The following POLG variants were observed in gnomAD, a reference collection of about 807,000 sequenced individuals.
POLG encodes DNA polymerase subunit gamma-1.
Under a neutral mutation model 155.4 loss-of-function variants are expected in POLG, and 110 were observed. The observed-to-expected ratio is 0.71, with a 90% CI of 0.61 to 0.83. POLG has a LOEUF of 0.83. Ranked by LOEUF, POLG falls within the 40% of genes least tolerant of loss-of-function variation. The probability of loss-of-function intolerance (pLI) is 0.00; values close to 1 mark genes in which losing one functional copy is unlikely to be tolerated. For synonymous variants in POLG, 701 were observed against 631.5 expected (o/e 1.11, Z -1.65); for missense variants, 1,685 against 1,627.5 (o/e 1.04, Z -0.61).
chr15:89,320,713 T>C, intron 18 of POLG, 53 bp downstream of exon 18: 5 of 1,604,328 alleles, frequency 3.1e-6, no homozygotes, highest in East Asian at 2.2e-5. Context: ...TAAAGGACAG[T>C]AAAGCAGGCC....
At position 89,325,037 on chromosome 15, in the gene POLG, A is replaced by AGAGTGAGTGAGTGAGAGAGTGAGTGAGT. The variant is rs2055452833; in HGVS notation, c.1949+412_1949+413insACTCACTCACTCTCTCACTCACTCACTC. Among the ~76,000 whole-genome samples, 7 of 70,866 alleles carry AGAGTGAGTGAGTGAGAGAGTGAGTGAGT rather than the reference A, an allele frequency of 9.9e-5. 3 individuals carry two copies. In the East Asian group the frequency reaches 1.5e-3, roughly 15 times the overall value. 46.5% of individuals were successfully genotyped at this position (70,866 alleles called of 152,430 possible). A position where few individuals can be genotyped will look rare whatever the true frequency, so the allele number is the denominator to read the frequency against. On this transcript the variant is annotated intron_variant, in intron 10 of 22. Transcript: ENST00000268124. Reference sequence around the variant, plus strand: ...CATGGAAGAAAAAACCTGAACCCAGAGAGTGAGTGAGTGAGTGAGAGAGTG... The same window carrying AGAGTGAGTGAGTGAGAGAGTGAGTGAGT: ...CATGGAAGAAAAAACCTGAACCCAGAGAGTGAGTGAGTGAGAGAGTGAGTGAGTGAGTGAGTGAGTGAGTGAGAGAGTG...
rs776555301 is a variant in POLG at position 89,330,285 on chromosome 15, G to A, written c.660-9C>T. On this transcript the variant is annotated splice_polypyrimidine_tract_variant and intron_variant, in intron 2 of 22. Coordinates refer to ENST00000268124, the MANE Select transcript of POLG (RefSeq NM_002693.3). ...GGCTGCACCAGGAATACCTGAGGGA[G>A]GTGAGAGGCAGGCAGGTTCACCATG... 7 of 1,606,880 alleles carry A rather than the reference G, an allele frequency of 4.4e-6. No individual in the cohort carries two copies. Among genetic ancestry groups the A allele is most frequent in the African/African-American group, 1.3e-5 (1 of 74,868 alleles).
intron 13 of POLG, 91 bp downstream of exon 13, chr15:89,323,313 G>C (rs985780560): frequency 1.3e-6 from 1 of 791,156 alleles, no homozygotes; most frequent in Admixed American, 2.0e-5. Flanking sequence ...CCACAAAAAG[G>C]AAAGTCTCAG....
intron 8 of POLG, 37 bp downstream of exon 8, chr15:89,326,875 C>T: frequency 1.2e-6 from 2 of 1,613,028 alleles, no homozygotes; most frequent in Non-Finnish European, 8.5e-7. Flanking sequence ...CCAGAGACAA[C>T]CCCTACCCTA....
intron 13 of POLG, among the ~76,000 whole-genome samples, chr15:89,323,165 G>A (rs990439045): frequency 2.6e-5 from 4 of 152,166 alleles, no homozygotes; most frequent in Non-Finnish European, 4.4e-5. Context: ...ACCAGATGTC[G>A]TACCAAACAT....
chr15:89,327,418 G>T, intron 6 of POLG, 69 bp from the exon 7 acceptor site: 1 of 1,465,260 alleles, frequency 6.8e-7, no homozygotes, highest in Non-Finnish European at 9.4e-7. Flanking sequence ...TCCCTGAGCT[G>T]GTTTAGCAAG....
At chr15:89,328,638 G>A (rs751346773) in intron 5 of POLG, 47 bp downstream of exon 5, 8 of 1,612,866 alleles carry the variant, frequency 5.0e-6, no homozygotes, top group Non-Finnish European at 6.8e-6. Context: ...AGTGCAGCTA[G>A]GGGTGTGCCA....
rs1231191430 is a variant in POLG at position 89,325,648 on chromosome 15, G to T, written c.1751C>A (p.Ala584Glu). 1 of 1,611,848 alleles carries T rather than the reference G, an allele frequency of 6.2e-7. No homozygotes were observed. The highest frequency in any genetic ancestry group is 8.5e-7 in the Non-Finnish European group (1 of 1,179,980). The change falls in exon 10 of 23, where the codon GCA (alanine) becomes GAA (glutamate). Residue 584 changes from alanine (A) to glutamate (E), a missense_variant. Ala to Glu is a moderately radical substitution (Grantham distance 107). Transcript: ENST00000268124. ...RKLCPRLDDPAWTPGPSLLSL... is the reference protein window; with the variant it reads ...RKLCPRLDDPEWTPGPSLLSL... ...GAGGAGGCTGGGGCCCGGGGTCCATGCAGGGTCGTCTAGCCGGGGGCAGAG... is the reference window on the plus strand; with the variant it reads ...GAGGAGGCTGGGGCCCGGGGTCCATTCAGGGTCGTCTAGCCGGGGGCAGAG...
rs1485567922 is a variant in POLG at position 89,325,173 on chromosome 15, AGT to A, written c.1949+275_1949+276del. On this transcript the variant is annotated intron_variant, in intron 10 of 22. Coordinates refer to ENST00000268124, the MANE Select transcript of POLG (RefSeq NM_002693.3). Reference sequence around the variant, plus strand: ...GAGTGAGTGAGTGAGTGAGTGAGAGAGTGAGAGAGTGAGTGAGTGAGAGAGTG... The same window carrying A: ...GAGTGAGTGAGTGAGTGAGTGAGAGAGAGAGAGTGAGTGAGTGAGAGAGTG... Among the ~76,000 whole-genome samples the A allele has an allele frequency of 1.4e-3, 137 of 97,622 alleles. 19 individuals are homozygous for A. Among genetic ancestry groups the A allele is most frequent in the African/African-American group, 4.2e-3 (102 of 24,016 alleles). The allele number at this position is 97,622 out of a possible 152,430, so 64.0% of individuals were successfully genotyped here. A position where few individuals can be genotyped will look rare whatever the true frequency, so the allele number is the denominator to read the frequency against.
intron 14 of POLG, among the ~76,000 whole-genome samples, chr15:89,322,462 G>C (rs996700464): frequency 6.6e-6 from 1 of 152,204 alleles, no homozygotes; most frequent in Admixed American, 6.5e-5. Flanking sequence ...AGCTCTCCAT[G>C]GTCCTCAGCC....
rs2055428060 is a variant in POLG, at chr15:89,323,501, C to A, written c.2168G>T (p.Gly723Val). ...GCTGGGCTGGGTGTCCTTGGGGCCA[C>A]CACGGGCAGTCTGTGAGGGCCACAC... is the stretch of plus-strand genomic sequence containing the variant. Reference protein sequence around the residue: ...PGQPLALTARGGPKDTQPSYH... With the variant: ...PGQPLALTARVGPKDTQPSYH... The change falls in exon 13 of 23, where the codon GGT (glycine) becomes GTT (valine). Residue 723 changes from glycine to valine, a missense_variant. By Grantham distance (109) the Gly-to-Val change is moderately radical. Around this residue, in one of 3 missense-constraint regions of POLG, gnomAD observed 1,210 missense variants for 1,167.1 expected, o/e 1.04. Coordinates refer to ENST00000268124, the MANE Select transcript of POLG (RefSeq NM_002693.3). 2 of 1,609,960 alleles carry A rather than the reference C, an allele frequency of 1.2e-6. No homozygotes were observed. The highest frequency in any genetic ancestry group is 1.7e-6 in the Non-Finnish European group (2 of 1,176,192).
chr15:89,327,080 C>T lies in POLG; in HGVS notation c.1434-17G>A, dbSNP rs373716128. ...TCTTTGTACCTACAGAGCCAGTCCA[C>T]TAGGGCAGGGCTAAGGCTAAGCCGA... On this transcript the variant is annotated splice_polypyrimidine_tract_variant and intron_variant, in intron 7 of 22. Coordinates refer to ENST00000268124, the MANE Select transcript of POLG (RefSeq NM_002693.3). 5 of 1,614,100 alleles carry T rather than the reference C, an allele frequency of 3.1e-6. No individual in the cohort carries two copies. In the African/African-American group the frequency reaches 5.3e-5, roughly 17 times the overall value.
rs776908468 is a variant in POLG, at chr15:89,316,444, G to A, written c.*307C>T. 1 of 1,611,048 alleles carries A rather than the reference G, an allele frequency of 6.2e-7. No individual in the cohort carries two copies. Among genetic ancestry groups the A allele is most frequent in the Non-Finnish European group, 8.5e-7 (1 of 1,178,170 alleles). Reference sequence around the variant, plus strand: ...GACAGAACAAAGAACCAGCCAAGAAGAAAAGGAAAAAATAAATGAAATGCC... The same window carrying A: ...GACAGAACAAAGAACCAGCCAAGAAAAAAAGGAAAAAATAAATGAAATGCC... On this transcript the variant is annotated 3_prime_UTR_variant, in exon 23 of 23. Transcript: ENST00000268124.
intron 18 of POLG, 150 bp downstream of exon 18, chr15:89,320,616 T>C: frequency 1.1e-6 from 1 of 880,430 alleles, no homozygotes; most frequent in Non-Finnish European, 1.8e-6. Context: ...GGACAAATCA[T>C]CCTGGAACCA....
In POLG at chr15:89,325,101, A is replaced by AGAGTGAGTGAGT. The variant is rs1300475750; in HGVS notation, c.1949+348_1949+349insACTCACTCACTC. 7.0e-5 allele frequency among the ~76,000 whole-genome samples: 5 copies of AGAGTGAGTGAGT among 71,050 alleles called. 2 individuals are homozygous for AGAGTGAGTGAGT. Among genetic ancestry groups the AGAGTGAGTGAGT allele is most frequent in the African/African-American group, 6.5e-4 (5 of 7,706 alleles). The allele number at this position is 71,050 out of a possible 152,430, so 46.6% of individuals were successfully genotyped here. On this transcript the variant is annotated intron_variant, in intron 10 of 22. Coordinates refer to ENST00000268124, the MANE Select transcript of POLG (RefSeq NM_002693.3). ...GTGAGTGAGAGAGTGAGTGAGTGAGAGAGTGAGAGAGAGTGAGTGAGTGAG... is the reference window on the plus strand; with the variant it reads ...GTGAGTGAGAGAGTGAGTGAGTGAGAGAGTGAGTGAGTGAGTGAGAGAGAGTGAGTGAGTGAG...
At chr15:89,329,285 G>A (rs2055564989) in intron 3 of POLG, among the ~76,000 whole-genome samples, 175 bp from the exon 4 acceptor site, 1 of 152,180 alleles carries the variant, frequency 6.6e-6, no homozygotes, top group South Asian at 2.1e-4. Context: ...GTTCATGCTT[G>A]CCCCATCACC....
rs141367015 is a variant in POLG, at chr15:89,330,081, C to G, written c.855G>C (p.Gln285His). ...CTGCAGTTGGCCCCAGGAACCTTAC[C>G]TGGATCAGGTACTGCTCCCTGATAT... ...RAHIREQYLI[Q>H]GSRMRFLDTM... The change falls in exon 3 of 23, where the codon CAG becomes CAC. Residue 285 changes from glutamine (Q) to histidine (H), a missense_variant and splice_region_variant. By Grantham distance (24) the Gln-to-His change is conservative. This residue lies in a region of POLG where 1,210 missense variants were observed against 1,167.1 expected (regional missense o/e 1.04). Coordinates refer to ENST00000268124, the MANE Select transcript of POLG (RefSeq NM_002693.3). 45 of 1,613,308 alleles carry G rather than the reference C, an allele frequency of 2.8e-5. No individual in the cohort carries two copies. The highest frequency in any genetic ancestry group is 3.6e-5 in the Non-Finnish European group (43 of 1,179,378).
In POLG at chr15:89,326,628, G is replaced by T. The variant is rs559937676; in HGVS notation, c.1696C>A (p.Leu566Ile). The change falls in exon 9 of 23, where the codon CTT becomes ATT. Residue 566 changes from leucine (L) to isoleucine (I), a missense_variant. By Grantham distance (5) the Leu-to-Ile change is conservative (BLOSUM62 2). Coordinates refer to ENST00000268124, the MANE Select transcript of POLG (RefSeq NM_002693.3). ...AGGGCTCACCCAGGGTGTCCAGGAA[G>T]GTGCTGGGGCCGCTTGGGCAGGAGC... The part of the protein sequence containing the change: ...TELLPKRPQH[L>I]PGHPGWYRKL... 6.2e-7 allele frequency: 1 copy of T among 1,613,982 alleles called. No homozygotes were observed. The highest frequency in any genetic ancestry group is 8.5e-7 in the Non-Finnish European group (1 of 1,180,022).
In POLG at chr15:89,324,034, A is replaced by C. The variant is rs1015651775; in HGVS notation, c.2070+73T>G. The C allele has an allele frequency of 2.5e-6, 4 of 1,601,728 alleles. No individual in the cohort carries two copies. The African/African-American group carries it at 5.4e-5, about 21-fold the overall frequency. On this transcript the variant is annotated intron_variant, in intron 11 of 22. Coordinates refer to ENST00000268124, the MANE Select transcript of POLG (RefSeq NM_002693.3). The stretch of plus-strand genomic sequence containing the variant: ...GCCACCAGTGCCAGCCTCCCACCCA[A>C]AGGCTGCCCCTTCCCTGGGTGGAAT...
Sources: allele counts gnomAD v4.1 joint callset (sites outside exome capture counted in the v4.1 genomes callset), GRCh38; gene constraint gnomAD v4.1.1; regional missense constraint gnomAD v4.1.1; transcripts MANE v1.5; gene names NCBI Gene and HGNC (gene_info 2026-07-23, HGNC 2026-07-21).